NAA25: variants seen among roughly 807,000 people sequenced by gnomAD.
The protein encoded by NAA25 is N-terminal acetyltransferase B complex subunit NAA25.
In NAA25, 30 loss-of-function variants were observed where a neutral mutation model predicts 132.5. The observed-to-expected ratio is 0.23, with a 90% CI of 0.17 to 0.31. The LOEUF (loss-of-function observed/expected upper bound fraction) is 0.31. NAA25 is among the 10% of genes least tolerant of loss of function. The probability of loss-of-function intolerance (pLI) is 1.00; values close to 1 mark genes in which losing one functional copy is unlikely to be tolerated. For missense variants in NAA25, 771 were observed against 1,150.4 expected (o/e 0.67, Z 4.77); for synonymous variants, 359 against 401.9 (o/e 0.89, Z 1.28).
At chr12:112,051,195 A>G (rs1218186426) in intron 15 of NAA25, among the ~76,000 whole-genome samples, 1 of 152,132 alleles carries the variant, frequency 6.6e-6, no homozygotes, top group South Asian at 2.1e-4. Context: ...GTCAAGCTAC[A>G]TGTTCCTAGC....
chr12:112,062,412 A>G (rs1225158687), intron 11 of NAA25, among the ~76,000 whole-genome samples: 1 of 151,286 alleles, frequency 6.6e-6, no homozygotes, highest in Non-Finnish European at 1.5e-5. Context: ...AAAAAAAAAA[A>G]AAAAAGTTAT....
chr12:112,096,118 C>T (rs1039258230), intron 1 of NAA25, among the ~76,000 whole-genome samples: 1 of 152,056 alleles, frequency 6.6e-6, no homozygotes, highest in Admixed American at 6.6e-5. Context: ...TTTCTGTAAA[C>T]CATAAAGCAG....
intron 19 of NAA25, 167 bp from the exon 20 acceptor site, chr12:112,042,271 G>T (rs1293373994): frequency 5.8e-6 from 2 of 346,194 alleles, no homozygotes; most frequent in Non-Finnish European, 1.0e-5. Flanking sequence ...GATAATGAAA[G>T]GAAAAGGAAG....
At chr12:112,070,333 C>A (rs1262304269) in intron 10 of NAA25, among the ~76,000 whole-genome samples, 1 of 152,138 alleles carries the variant, frequency 6.6e-6, no homozygotes, top group Admixed American at 6.6e-5. Context: ...CTGAAGGATT[C>A]TCTCAATGCT....
chr12:112,062,345 G>A (rs2078644025), intron 11 of NAA25, among the ~76,000 whole-genome samples: 2 of 150,932 alleles, frequency 1.3e-5, no homozygotes, highest in South Asian at 2.1e-4. Flanking sequence ...AGGTTGCTGT[G>A]AGCCAAGATT....
chr12:112,101,056 G>C (rs2079288084), intron 1 of NAA25, among the ~76,000 whole-genome samples: 1 of 152,078 alleles, frequency 6.6e-6, no homozygotes, highest in African/African-American at 2.4e-5. Context: ...ACATCCTCAA[G>C]TGGACCAAGC....
chr12:112,106,386 T>C (rs1040413832), intron 1 of NAA25, among the ~76,000 whole-genome samples: 2 of 149,932 alleles, frequency 1.3e-5, no homozygotes, highest in Non-Finnish European at 3.0e-5. Flanking sequence ...TGAGTGTTTT[T>C]AGTTTAAAAA....
At chr12:112,033,194 G>T in intron 23 of NAA25, 39 bp downstream of exon 23, 1 of 1,559,766 alleles carries the variant, frequency 6.4e-7, no homozygotes, top group Non-Finnish European at 8.7e-7. Context: ...GTGTTTGTGT[G>T]TGTGTAGAAA....
At chr12:112,097,617 A>G (rs538827525) in intron 1 of NAA25, among the ~76,000 whole-genome samples, 1 of 151,940 alleles carries the variant, frequency 6.6e-6, no homozygotes, top group Admixed American at 6.6e-5. Context: ...AAAAAAAAAA[A>G]AAAAAAAAGA....
chr12:112,067,408 G>A lies in NAA25; in HGVS notation c.1149+1472C>T, dbSNP rs567030050. ...GCAAACTCAACAGTAGGGAACACTT[G>A]TTCTATTTTATAGAATAAAGCCACG... On this transcript the variant is annotated intron_variant, in intron 11 of 23. Coordinates refer to ENST00000261745, the MANE Select transcript of NAA25 (RefSeq NM_024953.4). Among the ~76,000 whole-genome samples the A allele has an allele frequency of 2.0e-4, 30 of 152,258 alleles. 3 individuals are homozygous for A. In the South Asian group the frequency reaches 5.8e-3, roughly 29 times the overall value.
At chr12:112,098,197 A>C (rs1296935307) in intron 1 of NAA25, among the ~76,000 whole-genome samples, 3 of 151,916 alleles carry the variant, frequency 2.0e-5, no homozygotes, top group East Asian at 1.9e-4. Context: ...ACTGAAAAAG[A>C]AGCTTCAGGT....
chr12:112,032,049 T>C (rs2078156085), intron 23 of NAA25, among the ~76,000 whole-genome samples: 1 of 151,834 alleles, frequency 6.6e-6, no homozygotes, highest in Admixed American at 6.6e-5. Flanking sequence ...CTGCAAGCTC[T>C]GCCTCTGGGG....
At chr12:112,069,016 C>G (rs750911941) in intron 10 of NAA25, 24 bp from the exon 11 acceptor site, 1 of 1,299,098 alleles carries the variant, frequency 7.7e-7, no homozygotes. Flanking sequence ...AACAAAATCA[C>G]TTTATTACTC....
intron 1 of NAA25, among the ~76,000 whole-genome samples, chr12:112,094,613 T>C (rs2079185901): frequency 6.6e-6 from 1 of 152,204 alleles, no homozygotes; most frequent in South Asian, 2.1e-4. Flanking sequence ...AGGTAGGGAA[T>C]GAATTTCAAT....
At chr12:112,076,868 C>T (rs1028993915) in intron 7 of NAA25, among the ~76,000 whole-genome samples, 2 of 151,838 alleles carry the variant, frequency 1.3e-5, no homozygotes, top group Non-Finnish European at 2.9e-5. Context: ...TGATGGCATA[C>T]GCCTGGAGTC....
intron 23 of NAA25, among the ~76,000 whole-genome samples, 189 bp from the exon 24 acceptor site, chr12:112,029,842 G>T (rs907742584): frequency 2.0e-5 from 3 of 152,050 alleles, no homozygotes; most frequent in African/African-American, 4.8e-5. Context: ...GGTATTTTTC[G>T]ATGTGATTCT....
Position 112,047,797 on chromosome 12 carries a change from T to G in NAA25, c.1881-7A>C. ...TTCTGCTAAACTGGTTGATCTGTGA[T>G]AGAGAAAAATCCACATATTATTTTA... On this transcript the variant is annotated splice_region_variant and splice_polypyrimidine_tract_variant and intron_variant, in intron 16 of 23. Transcript: ENST00000261745. The G allele has an allele frequency of 6.3e-7, 1 of 1,591,096 alleles. No homozygotes were observed. Among genetic ancestry groups the G allele is most frequent in the Non-Finnish European group, 8.5e-7 (1 of 1,172,774 alleles).
chr12:112,087,937 A>G (rs191023043), intron 3 of NAA25, 136 bp from the exon 4 acceptor site: 14 of 627,252 alleles, frequency 2.2e-5, no homozygotes, highest in African/African-American at 2.2e-4. Context: ...TCCAATCATC[A>G]TTCATCTCTT....
intron 17 of NAA25, among the ~76,000 whole-genome samples, chr12:112,044,132 C>T (rs974468999): frequency 1.3e-5 from 2 of 151,468 alleles, no homozygotes; most frequent in Non-Finnish European, 1.5e-5. Context: ...GGGTTTTCAC[C>T]GTGTTAGCCA....
Sources: gnomAD v4.1 joint callset for allele counts (sites outside exome capture counted in the v4.1 genomes callset) on GRCh38, gnomAD v4.1.1 for gene constraint, MANE v1.5 for transcripts, NCBI Gene and HGNC (gene_info 2026-07-23, HGNC 2026-07-21) for gene names.